AHCYL2: variants seen among roughly 807,000 people sequenced by gnomAD.
AHCYL2 encodes S-adenosylhomocysteine hydrolase-like protein 2.
AHCYL2 carries 28 observed loss-of-function variants against 81.4 expected under a neutral mutation model. The observed-to-expected ratio is 0.34, with a 90% confidence interval of 0.25 to 0.47. AHCYL2 has a LOEUF of 0.47. Ranked by LOEUF, AHCYL2 falls within the 20% of genes least tolerant of loss-of-function variation. The pLI is 1.00. For missense variants in AHCYL2, 551 were observed against 785.1 expected, an observed-to-expected ratio of 0.70 and a Z score of 3.56; for synonymous variants, 272 against 290.2, an observed-to-expected ratio of 0.94 and a Z score of 0.64.
Position 129,427,064 on chromosome 7 carries a change from A to T in AHCYL2, c.*19A>T. 6.3e-7 allele frequency: 1 copy of T among 1,599,016 alleles called. No individual in the cohort carries two copies. Among genetic ancestry groups the T allele is most frequent in the Non-Finnish European group, 8.6e-7 (1 of 1,166,394 alleles). ...GTATTAAGTTCCTGTAACTCAAACC[A>T]GAATTTTTAAGGAATAGAACTCCAA... On this transcript the variant is annotated 3_prime_UTR_variant, in exon 17 of 17. Coordinates refer to ENST00000325006, the MANE Select transcript of AHCYL2 (RefSeq NM_015328.4). The surrounding 1 kb of genome is among the most constrained non-coding windows in gnomAD (Gnocchi z 5.5).
chr7:129,250,442 C>G (rs1398830457), intron 1 of AHCYL2, among the ~76,000 whole-genome samples: 1 of 152,072 alleles, frequency 6.6e-6, no homozygotes, highest in African/African-American at 2.4e-5. Flanking sequence ...TTTGAAGATT[C>G]TTTAGGATTT....
chr7:129,349,468 CAA>C (rs56205996), intron 1 of AHCYL2, among the ~76,000 whole-genome samples: 3,971 of 98,422 alleles, frequency 0.04, 196 homozygotes, highest in African/African-American at 0.15. Context: ...CCATCTCTAC[CAA>C]AAAAAAAAAA....
chr7:129,300,472 A>T (rs1227313590), intron 1 of AHCYL2, among the ~76,000 whole-genome samples: 7 of 152,220 alleles, frequency 4.6e-5, no homozygotes, highest in Non-Finnish European at 1.0e-4. Flanking sequence ...AAATGACAGG[A>T]TCTCATTCTT....
At chr7:129,306,442 T>A (rs1395049060) in intron 1 of AHCYL2, among the ~76,000 whole-genome samples, 2 of 152,178 alleles carry the variant, frequency 1.3e-5, no homozygotes, top group African/African-American at 4.8e-5. Flanking sequence ...ATTCTTTTTT[T>A]AATTATTTCA....
At chr7:129,272,004 T>C (rs533088500) in intron 1 of AHCYL2, among the ~76,000 whole-genome samples, 3 of 152,190 alleles carry the variant, frequency 2.0e-5, no homozygotes, top group Non-Finnish European at 4.4e-5. Context: ...TTTGGTGAAA[T>C]GTGGCAGAGA....
At chr7:129,272,349 TC>T (rs1274972381) in intron 1 of AHCYL2, among the ~76,000 whole-genome samples, 4 of 152,232 alleles carry the variant, frequency 2.6e-5, no homozygotes, top group Non-Finnish European at 5.9e-5. Flanking sequence ...CACGAGCTGT[TC>T]CTGCTATACT....
At chr7:129,307,762 C>G (rs1797494974) in intron 1 of AHCYL2, among the ~76,000 whole-genome samples, 1 of 151,858 alleles carries the variant, frequency 6.6e-6, no homozygotes, top group African/African-American at 2.4e-5. Flanking sequence ...AGACCCATGG[C>G]AGGTCCTAGC....
At chr7:129,345,747 C>T (rs1039755785) in intron 1 of AHCYL2, among the ~76,000 whole-genome samples, 8 of 152,146 alleles carry the variant, frequency 5.3e-5, no homozygotes, top group African/African-American at 1.7e-4. Flanking sequence ...CTGGAGAACA[C>T]AGAATTATAT....
At chr7:129,355,891 T>C (rs140282036) in intron 1 of AHCYL2, among the ~76,000 whole-genome samples, 86 of 152,228 alleles carry the variant, frequency 5.6e-4, no homozygotes, top group African/African-American at 2.0e-3. Flanking sequence ...GGTTAAAAGG[T>C]AAAGAAAGCA....
chr7:129,346,151 A>G (rs1258395428), intron 1 of AHCYL2, among the ~76,000 whole-genome samples: 1 of 152,024 alleles, frequency 6.6e-6, no homozygotes, highest in East Asian at 1.9e-4. Flanking sequence ...GGTGGTTGGT[A>G]TTTGGTTTTG....
chr7:129,228,946 C>A (rs1794321421), intron 1 of AHCYL2, among the ~76,000 whole-genome samples: 2 of 152,150 alleles, frequency 1.3e-5, no homozygotes, highest in African/African-American at 4.8e-5. Context: ...TGGATAAAGA[C>A]ATGGGAATGT....
At chr7:129,398,827 A>G (rs1338423575) in intron 5 of AHCYL2, among the ~76,000 whole-genome samples, 1 of 152,082 alleles carries the variant, frequency 6.6e-6, no homozygotes, top group Non-Finnish European at 1.5e-5. Context: ...ATATATAATA[A>G]ATGCCATGAC....
At chr7:129,336,781 C>T (rs572774459) in intron 1 of AHCYL2, among the ~76,000 whole-genome samples, 2 of 152,190 alleles carry the variant, frequency 1.3e-5, no homozygotes, top group South Asian at 4.2e-4. Context: ...CAGGGTCTCA[C>T]TGTCACCCAG....
chr7:129,323,873 CT>C (rs369389755), intron 1 of AHCYL2, among the ~76,000 whole-genome samples: 1,564 of 130,996 alleles, frequency 0.012, 3 homozygotes, highest in African/African-American at 0.028. Context: ...GCCCTTTTAG[CT>C]TTTTTTTTTT....
chr7:129,400,238 G>A (rs866617749), intron 5 of AHCYL2, 52 bp from the exon 6 acceptor site: 1 of 1,514,696 alleles, frequency 6.6e-7, no homozygotes. Context: ...AAAATTAGGG[G>A]GTCAGCCTTT....
intron 1 of AHCYL2, among the ~76,000 whole-genome samples, chr7:129,300,663 A>G (rs1004765521): frequency 1.3e-5 from 2 of 152,202 alleles, no homozygotes; most frequent in South Asian, 2.1e-4. Flanking sequence ...TATATGTCCA[A>G]CAGTGGGATT....
At chr7:129,366,106 C>G (rs1196071871) in intron 1 of AHCYL2, among the ~76,000 whole-genome samples, 5 of 152,108 alleles carry the variant, frequency 3.3e-5, no homozygotes, top group Non-Finnish European at 7.3e-5. Flanking sequence ...CTTATTTTCC[C>G]TGCATCTCAT....
chr7:129,389,011 G>A, intron 2 of AHCYL2, 45 bp from the exon 3 acceptor site: 1 of 1,581,940 alleles, frequency 6.3e-7, no homozygotes, highest in Non-Finnish European at 8.6e-7. Context: ...AATTTTAGAG[G>A]AAGCATTTTT....
chr7:129,313,648 T>C (rs1023622003), intron 1 of AHCYL2, among the ~76,000 whole-genome samples: 1 of 152,002 alleles, frequency 6.6e-6, no homozygotes, highest in African/African-American at 2.4e-5. Context: ...CAGATTGGGA[T>C]AGTACAAAAG....
Sources: gnomAD v4.1 joint callset for allele counts (sites outside exome capture counted in the v4.1 genomes callset) on GRCh38, gnomAD v4.1.1 for gene constraint, Gnocchi (gnomAD v3.1) non-coding constraint, MANE v1.5 for transcripts, NCBI Gene and HGNC (gene_info 2026-07-23, HGNC 2026-07-21) for gene names.